LMLN: variants seen among roughly 807,000 people sequenced by gnomAD.
LMLN encodes the protein leishmanolysin-like peptidase.
Under a neutral mutation model 92.3 loss-of-function variants are expected in LMLN, and 70 were observed. That is an observed-to-expected ratio of 0.76 (90% confidence interval 0.63 to 0.92). The LOEUF (loss-of-function observed/expected upper bound fraction) is 0.92. Among genes scored for constraint, LMLN ranks in the 40% least tolerant of loss-of-function variants. The probability of loss-of-function intolerance (pLI) is 0.00; values close to 1 mark genes in which losing one functional copy is unlikely to be tolerated. For missense variants in LMLN, 691 were observed against 814.6 expected (o/e 0.85, Z 1.85); for synonymous variants, 308 against 296.2 (o/e 1.04, Z -0.41).
At chr3:197,981,764 T>C (rs765887868) in intron 6 of LMLN, among the ~76,000 whole-genome samples, 1 of 151,620 alleles carries the variant, frequency 6.6e-6, no homozygotes, top group Non-Finnish European at 1.5e-5. Flanking sequence ...GAGATTAGAT[T>C]TGAGATTAGC....
At chr3:198,038,726 C>T (rs1723305840) in exon 16 of LMLN, 2 of 1,384,990 alleles carry the variant, frequency 1.4e-6, no homozygotes, top group South Asian at 2.3e-5. Context: ...GAACAAAGCA[C>T]AAAGTTTGAG....
At chr3:198,024,907 A>G in intron 14 of LMLN, 119 bp downstream of exon 15, 1 of 699,524 alleles carries the variant, frequency 1.4e-6, no homozygotes, top group South Asian at 3.9e-5. Context: ...TCAATACTGT[A>G]TCTTGTTTAT....
intron 11 of LMLN, among the ~76,000 whole-genome samples, chr3:198,001,855 G>A (rs981468226): frequency 1.3e-5 from 2 of 151,940 alleles, no homozygotes; most frequent in African/African-American, 4.8e-5. Context: ...GTTTCGCCAC[G>A]TTGCCCAGGC....
At chr3:197,969,430 T>C (rs1433375027) in intron 1 of LMLN, among the ~76,000 whole-genome samples, 1 of 152,258 alleles carries the variant, frequency 6.6e-6, no homozygotes, top group Non-Finnish European at 1.5e-5. Context: ...TACTTCTATT[T>C]TCTAATTTCC....
At chr3:198,038,823 T>C (rs1723308106) in exon 16 of LMLN, 2 of 625,604 alleles carry the variant, frequency 3.2e-6, no homozygotes, top group African/African-American at 1.8e-5. Context: ...GAAGCAGAAC[T>C]TCACAGCAGC....
chr3:198,024,462 A>G (rs534077126), intron 13 of LMLN, among the ~76,000 whole-genome samples, 196 bp from the exon 15 acceptor site: 13 of 152,194 alleles, frequency 8.5e-5, no homozygotes, highest in African/African-American at 2.6e-4. Flanking sequence ...TGATCTGCCC[A>G]CCTCAGCCTC....
chr3:197,994,779 G>A (rs1721971701), intron 9 of LMLN: 1 of 152,130 alleles, frequency 6.6e-6, no homozygotes. Flanking sequence ...AATTAGTACA[G>A]CCATTATGGA....
At chr3:197,966,616 T>G (rs1467875466) in intron 1 of LMLN, among the ~76,000 whole-genome samples, 2 of 151,742 alleles carry the variant, frequency 1.3e-5, no homozygotes, top group African/African-American at 4.8e-5. Flanking sequence ...GTTGATACAA[T>G]CATGTGGCTT....
In LMLN at chr3:197,990,664, GC is replaced by G; in HGVS notation, c.1037del (p.Pro346LeufsTer16). On this transcript the variant is annotated frameshift_variant, in exon 9 of 16. Transcript: ENST00000330198. LOFTEE classifies it high-confidence loss of function. ...GTCACACTGTGTATCTCCTGGTAAC[GC>G]CTCGTGTTGTTGTAAGTATTATCAG... The G allele has an allele frequency of 6.5e-7, 1 of 1,529,060 alleles. No homozygotes were observed. Among genetic ancestry groups the G allele is most frequent in the Non-Finnish European group, 9.1e-7 (1 of 1,103,178 alleles). The allele number at this position is 1,529,060 out of a possible 1,614,324, so 94.7% of individuals were successfully genotyped here.
intron 11 of LMLN, among the ~76,000 whole-genome samples, chr3:198,000,349 C>T (rs546585056): frequency 2.6e-4 from 40 of 152,286 alleles, no homozygotes; most frequent in Non-Finnish European, 4.4e-4. Context: ...GGTAGAGGTG[C>T]TATTAAAACC....
At position 197,976,550 on chromosome 3, in the gene LMLN, A is replaced by T. The variant is rs749643682; in HGVS notation, c.432-48A>T. 7 of 1,091,336 alleles carry T rather than the reference A, an allele frequency of 6.4e-6. No individual in the cohort carries two copies. In the African/African-American group the frequency reaches 1.1e-4, roughly 17 times the overall value. The allele number at this position is 1,091,336 out of a possible 1,614,324, so 67.6% of individuals were successfully genotyped here. On this transcript the variant is annotated intron_variant, in intron 4 of 15. Transcript: ENST00000330198. Reference sequence around the variant, plus strand: ...GTTTCCATGTTTTTAACTGCTATAAAATATTCTCTTTTTTGTATTTAAACT... The same window carrying T: ...GTTTCCATGTTTTTAACTGCTATAATATATTCTCTTTTTTGTATTTAAACT...
chr3:198,012,869 G>C (rs9825681), intron 11 of LMLN, among the ~76,000 whole-genome samples: 8,622 of 103,472 alleles, frequency 0.083, 783 homozygotes, highest in African/African-American at 0.25. Context: ...TGACTTCTCT[G>C]TACCCTTCAG....
At chr3:197,984,550 C>T (rs1721647196) in intron 7 of LMLN, among the ~76,000 whole-genome samples, 2 of 151,880 alleles carry the variant, frequency 1.3e-5, no homozygotes, top group Admixed American at 1.3e-4. Flanking sequence ...GCCTCCTGGG[C>T]TCAAGTGATC....
chr3:198,003,367 G>C (rs994241139), intron 11 of LMLN, among the ~76,000 whole-genome samples: 1 of 152,108 alleles, frequency 6.6e-6, no homozygotes, highest in Non-Finnish European at 1.5e-5. Flanking sequence ...TTTCTATTCA[G>C]CTTATTAGAA....
exon 1 of LMLN, chr3:197,960,231 A>C: frequency 6.2e-7 from 1 of 1,608,078 alleles, no homozygotes; most frequent in South Asian, 1.1e-5. Flanking sequence ...CATGGTAACG[A>C]CGCTCGGCCC....
At chr3:197,980,009 G>A (rs1378461924) in intron 5 of LMLN, among the ~76,000 whole-genome samples, 2 of 152,030 alleles carry the variant, frequency 1.3e-5, no homozygotes, top group Admixed American at 6.6e-5. Context: ...CCTTCATCTA[G>A]TTTCAGAGTT....
intron 6 of LMLN, among the ~76,000 whole-genome samples, chr3:197,983,379 C>T (rs1721611529): frequency 6.6e-6 from 1 of 151,956 alleles, no homozygotes; most frequent in African/African-American, 2.4e-5. Context: ...AGGTTCTAGG[C>T]ACAGAGAGAG....
At chr3:198,020,780 T>TA (rs1335654988) in intron 12 of LMLN, among the ~76,000 whole-genome samples, 1 of 133,144 alleles carries the variant, frequency 7.5e-6, no homozygotes, top group Non-Finnish European at 1.6e-5. Context: ...TTTTTTTTTT[T>TA]TTTTTTTTTT....
intron 8 of LMLN, among the ~76,000 whole-genome samples, chr3:197,988,750 C>G (rs745538309): frequency 2.0e-4 from 30 of 152,080 alleles, no homozygotes; most frequent in Non-Finnish European, 3.8e-4. Flanking sequence ...GGCGCGATCT[C>G]GGCTCACTGC....
Sources: allele counts gnomAD v4.1 joint callset (sites outside exome capture counted in the v4.1 genomes callset), GRCh38; gene constraint gnomAD v4.1.1; transcripts MANE v1.5; gene names NCBI Gene and HGNC (gene_info 2026-07-23, HGNC 2026-07-21).